ARHGAP18: variants seen among roughly 807,000 people sequenced by gnomAD.
ARHGAP18 encodes the protein Rho GTPase activating protein 18.
In ARHGAP18, 67 loss-of-function variants were observed where a neutral mutation model predicts 86.2. The observed-to-expected ratio is 0.78, with a 90% confidence interval of 0.64 to 0.95. The LOEUF (loss-of-function observed/expected upper bound fraction) is 0.95, where lower values mean the gene tolerates loss of function less well. ARHGAP18 is among the 40% of genes least tolerant of loss of function. The pLI, the probability that ARHGAP18 is intolerant of heterozygous loss-of-function variation, is 0.00. For synonymous variants in ARHGAP18, 283 were observed against 280.4 expected, an observed-to-expected ratio of 1.01 and a Z score of -0.09; for missense variants, 691 against 780.4, an observed-to-expected ratio of 0.89 and a Z score of 1.37.
chr6:129,607,629 C>T (rs1383923353), intron 9 of ARHGAP18, among the ~76,000 whole-genome samples: 2 of 152,112 alleles, frequency 1.3e-5, no homozygotes, highest in Non-Finnish European at 2.9e-5. Flanking sequence ...CAGGTTTTAA[C>T]ACTGAAATAT....
intron 1 of ARHGAP18, among the ~76,000 whole-genome samples, chr6:129,663,883 A>T (rs551306113): frequency 6.6e-6 from 1 of 152,266 alleles, no homozygotes; most frequent in Non-Finnish European, 1.5e-5. Context: ...ACTGAAGTCC[A>T]CCAGGGTGAC....
intron 5 of ARHGAP18, among the ~76,000 whole-genome samples, chr6:129,620,339 A>G (rs1345387635): frequency 6.6e-6 from 1 of 152,236 alleles, no homozygotes; most frequent in Non-Finnish European, 1.5e-5. Flanking sequence ...ATTTTGGAAC[A>G]TTTAGGATTT....
intron 13 of ARHGAP18, among the ~76,000 whole-genome samples, chr6:129,582,594 T>C (rs1470430844): frequency 2.0e-5 from 3 of 152,144 alleles, no homozygotes; most frequent in Admixed American, 6.6e-5. Flanking sequence ...TGCAAGACAC[T>C]ATAGGGAGCA....
intron 2 of ARHGAP18, 82 bp downstream of exon 2, chr6:129,641,734 T>G (rs2114499790): frequency 7.6e-7 from 1 of 1,309,824 alleles, no homozygotes; most frequent in Non-Finnish European, 1.1e-6. Flanking sequence ...TTTAATTTTT[T>G]TTTTGTTCTC....
chr6:129,597,135 G>C (rs73590571), intron 12 of ARHGAP18, among the ~76,000 whole-genome samples: 2 of 151,268 alleles, frequency 1.3e-5, no homozygotes, highest in South Asian at 4.2e-4. Context: ...TTAAATTTTG[G>C]CTATTGATTA....
Position 129,584,011 on chromosome 6 carries a change from A to G in ARHGAP18, c.1815T>C (p.Leu605=), listed in dbSNP as rs1156234501. Residue 605 remains leucine, a synonymous_variant, in exon 13 of 15, where the codon CTT becomes CTC. Transcript: ENST00000368149. ...ACCTTTCTTGGCTGAGAAACCTGGC[A>G]AGTACATCACTGGCTTTTAGTTCTT... ...LTEELKASDV[L]ARFLSQESGV... is the part of the protein sequence containing the mutation. 1 of 1,613,512 alleles carries G rather than the reference A, an allele frequency of 6.2e-7. No individual in the cohort carries two copies. Among genetic ancestry groups the G allele is most frequent in the Non-Finnish European group, 8.5e-7 (1 of 1,179,720 alleles).
intron 3 of ARHGAP18, among the ~76,000 whole-genome samples, chr6:129,636,943 C>A (rs1043155337): frequency 5.3e-5 from 8 of 152,200 alleles, no homozygotes; most frequent in Non-Finnish European, 1.2e-4. Context: ...AAACAAGGAT[C>A]ATTTATATTC....
chr6:129,674,224 C>T (rs974470132), intron 1 of ARHGAP18, among the ~76,000 whole-genome samples: 2 of 152,192 alleles, frequency 1.3e-5, no homozygotes, highest in Non-Finnish European at 2.9e-5. Flanking sequence ...ATTTGTAATA[C>T]ATGTCCACAA....
intron 1 of ARHGAP18, chr6:129,662,085 G>C (rs1773965535): frequency 6.0e-6 from 1 of 165,956 alleles, no homozygotes; most frequent in African/African-American, 2.4e-5. Flanking sequence ...CTCCATGCTA[G>C]ATGCCAAATG....
chr6:129,690,106 A>T (rs1329763159), intron 1 of ARHGAP18, among the ~76,000 whole-genome samples: 3 of 151,150 alleles, frequency 2.0e-5, no homozygotes, highest in Non-Finnish European at 4.4e-5. Context: ...ATCAACATAA[A>T]TGTTCTGCCC....
intron 1 of ARHGAP18, among the ~76,000 whole-genome samples, chr6:129,668,880 A>G (rs1774093430): frequency 6.6e-6 from 1 of 152,228 alleles, no homozygotes; most frequent in South Asian, 2.1e-4. Flanking sequence ...TTTGAAGTCC[A>G]ACAACCTTGC....
At chr6:129,614,565 G>A (rs1789053399) in intron 7 of ARHGAP18, among the ~76,000 whole-genome samples, 1 of 152,010 alleles carries the variant, frequency 6.6e-6, no homozygotes, top group African/African-American at 2.4e-5. Flanking sequence ...AAATGACAAA[G>A]GAAGATTTTT....
At chr6:129,591,653 C>T (rs938051401) in intron 12 of ARHGAP18, among the ~76,000 whole-genome samples, 1 of 152,036 alleles carries the variant, frequency 6.6e-6, no homozygotes, top group Non-Finnish European at 1.5e-5. Flanking sequence ...CATATTTTTG[C>T]ACTCTAGAGA....
chr6:129,675,704 G>A (rs1191176512), intron 1 of ARHGAP18, among the ~76,000 whole-genome samples: 1 of 152,174 alleles, frequency 6.6e-6, no homozygotes, highest in Admixed American at 6.5e-5. Context: ...TTATGAGAGA[G>A]TATCTCAGAG....
intron 1 of ARHGAP18, among the ~76,000 whole-genome samples, chr6:129,667,620 T>C (rs187923723): frequency 2.6e-5 from 4 of 151,618 alleles, no homozygotes; most frequent in Non-Finnish European, 5.9e-5. Context: ...TCAGGAAACA[T>C]ATATTGAGAT....
At chr6:129,618,025 CAA>C (rs1211874167) in intron 6 of ARHGAP18, among the ~76,000 whole-genome samples, 1 of 145,754 alleles carries the variant, frequency 6.9e-6, no homozygotes, top group African/African-American at 2.5e-5. Flanking sequence ...ACTGGAGAAA[CAA>C]AAACTGAAGA....
chr6:129,584,881 A>G (rs570881724), intron 12 of ARHGAP18, among the ~76,000 whole-genome samples: 37 of 152,340 alleles, frequency 2.4e-4, no homozygotes, highest in African/African-American at 8.9e-4. Flanking sequence ...TGCTTTAAAT[A>G]ATACAAATAC....
intron 12 of ARHGAP18, among the ~76,000 whole-genome samples, chr6:129,591,458 A>G (rs1221092188): frequency 1.3e-5 from 2 of 152,208 alleles, no homozygotes; most frequent in African/African-American, 4.8e-5. Flanking sequence ...GGATTTTACA[A>G]CTTCAAGAGT....
chr6:129,708,372 T>C (rs1467551862), intron 1 of ARHGAP18, among the ~76,000 whole-genome samples: 1 of 152,144 alleles, frequency 6.6e-6, no homozygotes, highest in Non-Finnish European at 1.5e-5. Context: ...CCTTAGTGCC[T>C]CTTGGTTCTG....
Sources: allele counts gnomAD v4.1 joint callset (sites outside exome capture counted in the v4.1 genomes callset), GRCh38; gene constraint gnomAD v4.1.1; transcripts MANE v1.5; gene names NCBI Gene and HGNC (gene_info 2026-07-23, HGNC 2026-07-21).